The following CCDC7 variants were observed in gnomAD, a reference collection of about 807,000 sequenced individuals.
CCDC7 encodes coiled-coil domain-containing protein 7.
In CCDC7, 183 loss-of-function variants were observed where a neutral mutation model predicts 196.9. The observed-to-expected ratio is 0.93, with a 90% CI of 0.82 to 1.05. The LOEUF is 1.05. Ranked by LOEUF, CCDC7 falls within the 50% of genes least tolerant of loss-of-function variation. The probability of loss-of-function intolerance (pLI) is 0.00; values close to 1 mark genes in which losing one functional copy is unlikely to be tolerated. For synonymous variants in CCDC7, 525 were observed against 484.6 expected, an observed-to-expected ratio of 1.08 and a Z score of -1.10; for missense variants, 1,540 against 1,482.2, an observed-to-expected ratio of 1.04 and a Z score of -0.64.
intron 18 of CCDC7, among the ~76,000 whole-genome samples, chr10:32,595,323 A>C (rs1303377756): frequency 3.3e-5 from 5 of 152,142 alleles, no homozygotes; most frequent in African/African-American, 1.2e-4. Context: ...TAGATTTTCT[A>C]GTTTATTTGC....
At chr10:32,647,594 T>C (rs2068006833) in intron 20 of CCDC7, among the ~76,000 whole-genome samples, 2 of 152,148 alleles carry the variant, frequency 1.3e-5, no homozygotes, top group Admixed American at 6.6e-5. Context: ...TTAGTGATGC[T>C]GATCATTTTT....
Position 32,845,110 on chromosome 10 carries a change from A to G in CCDC7, c.3353-133A>G, listed in dbSNP as rs78848137. Reference sequence around the variant, plus strand: ...AATTAAGTATGAACCTTTAATGACAATAGTACCAATATGTTAGTATTATAT... The same window carrying G: ...AATTAAGTATGAACCTTTAATGACAGTAGTACCAATATGTTAGTATTATAT... On this transcript the variant is annotated intron_variant, in intron 33 of 41. Transcript: ENST00000639629. 8.2e-3 allele frequency: 4,117 copies of G among 505,010 alleles called. 159 individuals carry two copies. Among genetic ancestry groups the G allele is most frequent in the African/African-American group, 0.07 (3,633 of 51,670 alleles). 31.3% of individuals were successfully genotyped at this position (505,010 alleles called of 1,614,324 possible).
At chr10:32,764,646 A>G (rs974054450) in intron 28 of CCDC7, among the ~76,000 whole-genome samples, 1 of 151,964 alleles carries the variant, frequency 6.6e-6, no homozygotes, top group Non-Finnish European at 1.5e-5. Flanking sequence ...ATGTGGATTT[A>G]TCATTTAAGA....
chr10:32,842,507 A>G (rs1261123290), intron 33 of CCDC7, among the ~76,000 whole-genome samples: 1 of 152,176 alleles, frequency 6.6e-6, no homozygotes, highest in Non-Finnish European at 1.5e-5. Context: ...AATGTAAACT[A>G]GTACAACCAC....
chr10:32,575,690 C>G (rs1284897720), intron 16 of CCDC7, among the ~76,000 whole-genome samples: 1 of 152,170 alleles, frequency 6.6e-6, no homozygotes, highest in Non-Finnish European at 1.5e-5. Context: ...GTGAGTCAAA[C>G]AGTCCTGGTG....
At chr10:32,592,022 C>T (rs545881165) in intron 18 of CCDC7, among the ~76,000 whole-genome samples, 1 of 152,212 alleles carries the variant, frequency 6.6e-6, no homozygotes, top group African/African-American at 2.4e-5. Flanking sequence ...GTGGAAGCTT[C>T]TATTTAGCCA....
At chr10:32,793,728 T>G (rs1332968157) in intron 29 of CCDC7, among the ~76,000 whole-genome samples, 1 of 152,234 alleles carries the variant, frequency 6.6e-6, no homozygotes, top group Admixed American at 6.5e-5. Context: ...TTCCAAGGTT[T>G]GTCATATTAT....
In CCDC7 at chr10:32,459,396, C is replaced by T. The variant is rs935762416; in HGVS notation, c.456+3062C>T. Among the ~76,000 whole-genome samples the T allele has an allele frequency of 8.5e-5, 13 of 152,166 alleles. No individual in the cohort carries two copies. In the South Asian group the frequency reaches 1.9e-3, roughly 22 times the overall value. On this transcript the variant is annotated intron_variant, in intron 3 of 41. Coordinates refer to ENST00000639629, the Ensembl canonical transcript of CCDC7. Reference sequence around the variant, plus strand: ...ACCTCTAGAGAGCTCAAAACAGTAACACAATTTCTTGGGAATATGTCTGCT... The same window carrying T: ...ACCTCTAGAGAGCTCAAAACAGTAATACAATTTCTTGGGAATATGTCTGCT...
chr10:32,761,333 G>C (rs371491398), intron 28 of CCDC7, among the ~76,000 whole-genome samples: 60 of 151,944 alleles, frequency 3.9e-4, no homozygotes, highest in African/African-American at 1.4e-3. Context: ...ACAGAACAAA[G>C]AGAGCACTGA....
At chr10:32,563,336 T>A (rs563291024) in intron 13 of CCDC7, among the ~76,000 whole-genome samples, 1 of 152,064 alleles carries the variant, frequency 6.6e-6, no homozygotes, top group South Asian at 2.1e-4. Flanking sequence ...GAGCCCGCAT[T>A]GCCAAGTCAA....
At chr10:32,819,938 T>G (rs1184948691) in intron 31 of CCDC7, among the ~76,000 whole-genome samples, 2 of 152,106 alleles carry the variant, frequency 1.3e-5, no homozygotes, top group African/African-American at 2.4e-5. Context: ...CCACTCCTAT[T>G]CAACATAGTG....
chr10:32,775,201 T>C (rs1029456342), intron 28 of CCDC7, among the ~76,000 whole-genome samples: 5 of 152,186 alleles, frequency 3.3e-5, no homozygotes, highest in Non-Finnish European at 7.4e-5. Flanking sequence ...TGTGTACTGT[T>C]ATAGGTTCAA....
intron 41 of CCDC7, among the ~76,000 whole-genome samples, chr10:32,868,436 G>T (rs2094292264): frequency 6.6e-6 from 1 of 151,924 alleles, no homozygotes; most frequent in Non-Finnish European, 1.5e-5. Flanking sequence ...TTCTCATATG[G>T]ATCTAAGTTT....
chr10:32,549,183 A>T (rs1014477959), intron 13 of CCDC7, among the ~76,000 whole-genome samples: 6 of 151,980 alleles, frequency 3.9e-5, no homozygotes, highest in African/African-American at 1.5e-4. Flanking sequence ...GCATTTTTTC[A>T]TATGTTTGTT....
At chr10:32,752,083 A>T (rs2075750778) in intron 28 of CCDC7, among the ~76,000 whole-genome samples, 1 of 152,098 alleles carries the variant, frequency 6.6e-6, no homozygotes, top group African/African-American at 2.4e-5. Flanking sequence ...CAATTTCAGC[A>T]CTCAGCAGAG....
At chr10:32,820,952 C>T (rs975705995) in intron 31 of CCDC7, among the ~76,000 whole-genome samples, 2 of 152,074 alleles carry the variant, frequency 1.3e-5, no homozygotes, top group Non-Finnish European at 2.9e-5. Flanking sequence ...CAACAAAAGC[C>T]TAAATTGACA....
At chr10:32,681,738 T>TACACAC (rs57829018) in intron 21 of CCDC7, among the ~76,000 whole-genome samples, 4,714 of 137,554 alleles carry the variant, frequency 0.034, 181 homozygotes, top group African/African-American at 0.092. Flanking sequence ...TTTATATGTA[T>TACACAC]ACACACACAC....
chr10:32,585,526 G>C (rs2059182867), intron 18 of CCDC7, among the ~76,000 whole-genome samples: 1 of 151,942 alleles, frequency 6.6e-6, no homozygotes, highest in East Asian at 1.9e-4. Flanking sequence ...CCCTCTCCTA[G>C]GCCCCCACCC....
At chr10:32,711,155 C>CACACATAT (rs1204455178) in intron 24 of CCDC7, among the ~76,000 whole-genome samples, 6 of 104,458 alleles carry the variant, frequency 5.7e-5, no homozygotes, top group African/African-American at 3.0e-4. Context: ...TATATACATA[C>CACACATAT]ACACATATAC....
Sources: gnomAD v4.1 joint callset for allele counts (sites outside exome capture counted in the v4.1 genomes callset) on GRCh38, gnomAD v4.1.1 for gene constraint, MANE v1.5 for transcripts, NCBI Gene and HGNC (gene_info 2026-07-23, HGNC 2026-07-21) for gene names.